WIPF2: variants seen among roughly 807,000 people sequenced by gnomAD.
WIPF2 encodes WAS/WASL-interacting protein family member 2.
A neutral mutation model predicts 38.8 loss-of-function variants in WIPF2; 23 were observed. The observed-to-expected ratio is 0.59, with a 90% CI of 0.43 to 0.84. The LOEUF is 0.84. WIPF2 is among the 40% of genes least tolerant of loss of function. The pLI is 0.00. For missense variants in WIPF2, 574 were observed against 580.5 expected (o/e 0.99, Z 0.11); for synonymous variants, 210 against 223.2 (o/e 0.94, Z 0.53).
At chr17:40,278,149 C>T (rs771738478) in intron 7 of WIPF2, 36 bp from the exon 8 acceptor site, 4 of 1,601,704 alleles carry the variant, frequency 2.5e-6, no homozygotes, top group Non-Finnish European at 3.4e-6. Context: ...GGTGGGTGAC[C>T]TGTATGTGTG....
intron 1 of WIPF2, among the ~76,000 whole-genome samples, chr17:40,249,554 A>G (rs1304877667): frequency 6.6e-6 from 1 of 151,878 alleles, no homozygotes; most frequent in African/African-American, 2.4e-5. Context: ...CCTGGGTTCA[A>G]GCGGTTCTCC....
At chr17:40,277,457 G>A (rs1280787539) in intron 7 of WIPF2, among the ~76,000 whole-genome samples, 2 of 152,056 alleles carry the variant, frequency 1.3e-5, no homozygotes, top group East Asian at 1.9e-4. Context: ...TGAGGTGGGC[G>A]GATCATGAGG....
chr17:40,277,299 A>C, intron 7 of WIPF2, 115 bp downstream of exon 7: 1 of 862,780 alleles, frequency 1.2e-6, no homozygotes, highest in Non-Finnish European at 1.7e-6. Context: ...CTATAATCCC[A>C]GCACTTTGGG....
chr17:40,259,174 G>A (rs1157123781), intron 2 of WIPF2, among the ~76,000 whole-genome samples: 5 of 150,684 alleles, frequency 3.3e-5, no homozygotes, highest in Admixed American at 6.6e-5. Context: ...CCACTGTGCC[G>A]GCCGGCCTCG....
intron 1 of WIPF2, among the ~76,000 whole-genome samples, chr17:40,242,506 T>A (rs1353702461): frequency 6.6e-6 from 1 of 152,088 alleles, no homozygotes; most frequent in African/African-American, 2.4e-5. Context: ...TTCAAGTGAT[T>A]CTCCTGCCTC....
chr17:40,264,044 A>G (rs1036260298), intron 4 of WIPF2, among the ~76,000 whole-genome samples: 2 of 152,124 alleles, frequency 1.3e-5, no homozygotes, highest in Non-Finnish European at 2.9e-5. Flanking sequence ...ATTAAAACCC[A>G]GAACTAGGCC....
At chr17:40,269,515 C>T (rs928046626) in intron 5 of WIPF2, among the ~76,000 whole-genome samples, 7 of 150,626 alleles carry the variant, frequency 4.6e-5, no homozygotes, top group Non-Finnish European at 8.9e-5. Context: ...TGCCTCAAAA[C>T]CCGCCCCCCC....
chr17:40,222,629 C>G (rs1259001122), intron 1 of WIPF2, among the ~76,000 whole-genome samples: 1 of 129,838 alleles, frequency 7.7e-6, no homozygotes, highest in Admixed American at 8.5e-5. Context: ...CAGGGAAGAA[C>G]TGGTTTTGAT....
chr17:40,237,857 G>T (rs534096851), intron 1 of WIPF2, among the ~76,000 whole-genome samples: 1 of 147,854 alleles, frequency 6.8e-6, no homozygotes, highest in South Asian at 2.2e-4. Context: ...TGTTGGTCAC[G>T]GTGGTCTCAA....
chr17:40,241,854 G>A (rs1199441805), intron 1 of WIPF2, among the ~76,000 whole-genome samples: 2 of 152,106 alleles, frequency 1.3e-5, no homozygotes, highest in Non-Finnish European at 2.9e-5. Context: ...TGTATCTTTT[G>A]CTGCCAGTCT....
chr17:40,236,360 A>G (rs1400834881), intron 1 of WIPF2, among the ~76,000 whole-genome samples: 3 of 151,556 alleles, frequency 2.0e-5, no homozygotes, highest in Non-Finnish European at 2.9e-5. Flanking sequence ...TTCTTTTGAG[A>G]CAGAGAATTG....
Position 40,280,486 on chromosome 17 carries a change from A to G in WIPF2, c.*2261A>G, listed in dbSNP as rs1226504046. On this transcript the variant is annotated 3_prime_UTR_variant, in exon 8 of 8. Transcript: ENST00000323571. ...TCCATCTCAGAAAACAAACAAACCA[A>G]ACAACTGAGAGAGGGCATGCTAGTG... 1 of 153,884 alleles carries G rather than the reference A, an allele frequency of 6.5e-6. No homozygotes were observed. Among genetic ancestry groups the G allele is most frequent in the African/African-American group, 2.4e-5 (1 of 41,490 alleles). 9.5% of individuals were successfully genotyped at this position (153,884 alleles called of 1,614,324 possible).
intron 1 of WIPF2, among the ~76,000 whole-genome samples, chr17:40,239,509 C>A (rs924706013): frequency 2.0e-5 from 3 of 152,120 alleles, no homozygotes; most frequent in Admixed American, 2.0e-4. Flanking sequence ...AGAGTATAAG[C>A]CAGTGGCAGG....
At chr17:40,264,010 A>G (rs1447225396) in intron 4 of WIPF2, among the ~76,000 whole-genome samples, 1 of 152,134 alleles carries the variant, frequency 6.6e-6, no homozygotes, top group Non-Finnish European at 1.5e-5. Context: ...AATAAATAAC[A>G]GTGTATCCTG....
At chr17:40,238,530 T>G (rs965091430) in intron 1 of WIPF2, among the ~76,000 whole-genome samples, 1 of 152,264 alleles carries the variant, frequency 6.6e-6, no homozygotes, top group African/African-American at 2.4e-5. Context: ...CTTGAACTCC[T>G]GACCTCAGGT....
intron 4 of WIPF2, among the ~76,000 whole-genome samples, chr17:40,263,312 G>A (rs778121191): frequency 3.0e-4 from 46 of 152,002 alleles, no homozygotes; most frequent in Admixed American, 4.6e-4. Context: ...TCACATGCAC[G>A]GTTCACAATG....
intron 1 of WIPF2, among the ~76,000 whole-genome samples, chr17:40,221,043 G>C (rs1006879202): frequency 2.6e-5 from 4 of 151,918 alleles, no homozygotes; most frequent in African/African-American, 9.7e-5. Context: ...CTGCCTCCCA[G>C]AGTTCTGGGA....
chr17:40,274,148 G>T, intron 6 of WIPF2, 149 bp downstream of exon 6: 1 of 600,784 alleles, frequency 1.7e-6, no homozygotes, highest in Non-Finnish European at 2.8e-6. Context: ...CATCCTCAGA[G>T]GTATGGGCTG....
At chr17:40,234,824 T>C (rs1178838403) in intron 1 of WIPF2, among the ~76,000 whole-genome samples, 2 of 152,138 alleles carry the variant, frequency 1.3e-5, no homozygotes, top group South Asian at 2.1e-4. Flanking sequence ...GCAAACCACA[T>C]GTCTGCCATC....
Sources: gnomAD v4.1 joint callset for allele counts (sites outside exome capture counted in the v4.1 genomes callset) on GRCh38, gnomAD v4.1.1 for gene constraint, MANE v1.5 for transcripts, NCBI Gene and HGNC (gene_info 2026-07-23, HGNC 2026-07-21) for gene names.